Variants in PHACTR1 observed in about 807,000 individuals in gnomAD.
PHACTR1 encodes RPEL repeat containing 1.
PHACTR1 carries 16 observed loss-of-function variants against 69.2 expected under a neutral mutation model. That is an observed-to-expected ratio of 0.23 (90% CI 0.16 to 0.35). The LOEUF (loss-of-function observed/expected upper bound fraction) is 0.35, where lower values mean the gene tolerates loss of function less well. Among genes scored for constraint, PHACTR1 ranks in the 10% least tolerant of loss-of-function variants. The pLI, the probability that PHACTR1 is intolerant of heterozygous loss-of-function variation, is 1.00. For synonymous variants in PHACTR1, 312 were observed against 284.5 expected (o/e 1.10, Z -0.97); for missense variants, 510 against 734.7 (o/e 0.69, Z 3.54).
At chr6:13,095,660 A>T (rs2127842376) in intron 5 of PHACTR1, among the ~76,000 whole-genome samples, 1 of 149,450 alleles carries the variant, frequency 6.7e-6, no homozygotes, top group South Asian at 2.2e-4. Flanking sequence ...TGAATGGAGG[A>T]TGCAGGCAAA....
At chr6:12,840,899 T>A (rs1778623476) in intron 4 of PHACTR1, among the ~76,000 whole-genome samples, 6 of 152,204 alleles carry the variant, frequency 3.9e-5, no homozygotes, top group Admixed American at 3.3e-4. Flanking sequence ...GATAAGGACA[T>A]ACTGCTACAG....
At chr6:12,792,515 G>GA (rs1772451482) in intron 4 of PHACTR1, among the ~76,000 whole-genome samples, 1 of 114,822 alleles carries the variant, frequency 8.7e-6, no homozygotes, top group African/African-American at 3.0e-5. Flanking sequence ...ACATCATCCT[G>GA]AAAAAATAAA....
At chr6:13,285,341 T>C (rs953964982) in intron 13 of PHACTR1, among the ~76,000 whole-genome samples, 1 of 152,148 alleles carries the variant, frequency 6.6e-6, no homozygotes, top group Non-Finnish European at 1.5e-5. Flanking sequence ...AGGAAGACTT[T>C]TCTCTCCTCA....
chr6:13,283,371 C>A lies in PHACTR1; in HGVS notation c.1510-51C>A. 1.3e-6 allele frequency: 2 copies of A among 1,581,090 alleles called. No individual in the cohort carries two copies. The highest frequency in any genetic ancestry group is 1.7e-6 in the Non-Finnish European group (2 of 1,161,350). On this transcript the variant is annotated intron_variant, in intron 12 of 14. Transcript: ENST00000332995. The surrounding 1 kb of genome is among the most constrained non-coding windows in gnomAD (Gnocchi z 4.7). ...GCAAGTTCACAGACAGGACCAAGTG[C>A]CATGGTCAACCCTTCTGGCTGACTG...
chr6:13,142,835 G>GAA (rs36049014), intron 5 of PHACTR1, among the ~76,000 whole-genome samples: 14 of 147,286 alleles, frequency 9.5e-5, no homozygotes, highest in South Asian at 2.1e-4. Context: ...TGAGAAGTGT[G>GAA]AAAAAAAAAA....
At chr6:13,177,564 A>G (rs1761561395) in intron 6 of PHACTR1, among the ~76,000 whole-genome samples, 1 of 152,174 alleles carries the variant, frequency 6.6e-6, no homozygotes, top group Non-Finnish European at 1.5e-5. Context: ...CTCCATAGTG[A>G]CAGTCATCTA....
chr6:12,937,067 T>C (rs1258580885), intron 4 of PHACTR1, among the ~76,000 whole-genome samples: 1 of 152,214 alleles, frequency 6.6e-6, no homozygotes, highest in African/African-American at 2.4e-5. Flanking sequence ...AAATATCTTA[T>C]TCAGCCTATG....
chr6:13,076,841 G>A lies in PHACTR1; in HGVS notation c.415+23312G>A, dbSNP rs115851711. Among the ~76,000 whole-genome samples the A allele has an allele frequency of 3.4e-3, 508 of 151,560 alleles. 2 individuals are homozygous for A. Among genetic ancestry groups the A allele is most frequent in the African/African-American group, 0.012 (491 of 41,284 alleles). ...AAGGAATGATAGAAGGAACTTAAGT[G>A]CCAAAAGAGCAGATTAGTTGGAACG... On this transcript the variant is annotated intron_variant, in intron 5 of 14. Transcript: ENST00000332995.
intron 4 of PHACTR1, among the ~76,000 whole-genome samples, chr6:12,830,897 C>CA (rs1284904258): frequency 2.0e-5 from 3 of 152,054 alleles, no homozygotes; most frequent in African/African-American, 7.2e-5. Context: ...TACCTGGCCT[C>CA]AAAAAATTTT....
chr6:13,173,929 G>A (rs572859175), intron 6 of PHACTR1, among the ~76,000 whole-genome samples: 9 of 152,248 alleles, frequency 5.9e-5, no homozygotes, highest in African/African-American at 1.4e-4. Context: ...GGATGGTCTC[G>A]ATCTCTTGAC....
At chr6:12,863,834 G>T (rs1056883968) in intron 4 of PHACTR1, among the ~76,000 whole-genome samples, 91 of 152,036 alleles carry the variant, frequency 6.0e-4, no homozygotes, top group Middle Eastern at 3.4e-3. Context: ...GGTGATTTTT[G>T]TGTGTGTGTG....
intron 5 of PHACTR1, among the ~76,000 whole-genome samples, chr6:13,058,418 T>C (rs1050668054): frequency 1.3e-5 from 2 of 152,110 alleles, no homozygotes; most frequent in African/African-American, 4.8e-5. Flanking sequence ...CCTAGGGTCT[T>C]GGTTGTTGGT....
chr6:12,756,635 C>A (rs1767357473), intron 4 of PHACTR1, among the ~76,000 whole-genome samples: 1 of 152,184 alleles, frequency 6.6e-6, no homozygotes, highest in Non-Finnish European at 1.5e-5. Context: ...TTCTATTGAT[C>A]CTTGTTGCCA....
At chr6:13,277,482 G>C (rs202042) in intron 11 of PHACTR1, among the ~76,000 whole-genome samples, 113,271 of 152,062 alleles carry the variant, frequency 0.74, 43,518 homozygotes, top group Non-Finnish European at 0.84. Flanking sequence ...CAGGTTGAGG[G>C]CAGTCTTCTG....
At chr6:12,887,496 T>G (rs958931561) in intron 4 of PHACTR1, among the ~76,000 whole-genome samples, 1 of 152,192 alleles carries the variant, frequency 6.6e-6, no homozygotes, top group African/African-American at 2.4e-5. Flanking sequence ...TCACTGACCC[T>G]TATCATCTAG....
At chr6:13,196,852 G>A (rs1009486493) in intron 7 of PHACTR1, among the ~76,000 whole-genome samples, 5 of 152,120 alleles carry the variant, frequency 3.3e-5, no homozygotes, top group African/African-American at 7.2e-5. Flanking sequence ...GAAGTCTTTC[G>A]CAAGCCTCTC....
rs749846793 is a variant in PHACTR1, at chr6:13,228,071, C to T, written c.1234+8C>T. Reference sequence around the variant, plus strand: ...ACAGCTCATTATACACCAGTGCGTTCATCTTAACTCATCACCAGGGGTGGG... The same window carrying T: ...ACAGCTCATTATACACCAGTGCGTTTATCTTAACTCATCACCAGGGGTGGG... On this transcript the variant is annotated splice_region_variant and intron_variant, in intron 9 of 14. Transcript: ENST00000332995. 19 of 1,604,088 alleles carry T rather than the reference C, an allele frequency of 1.2e-5. No individual in the cohort carries two copies. In the African/African-American group the frequency reaches 1.2e-4, roughly 10 times the overall value.
At chr6:12,720,129 C>A (rs970057139) in intron 3 of PHACTR1, among the ~76,000 whole-genome samples, 3 of 151,972 alleles carry the variant, frequency 2.0e-5, no homozygotes, top group African/African-American at 7.3e-5. Context: ...TCTGGGTCTG[C>A]AAGTAAGAAA....
intron 4 of PHACTR1, among the ~76,000 whole-genome samples, chr6:12,866,988 G>T (rs191508758): frequency 6.6e-6 from 1 of 152,082 alleles, no homozygotes; most frequent in Non-Finnish European, 1.5e-5. Flanking sequence ...TGCCCATTGT[G>T]TTTGCTAAGT....
Sources: gnomAD v4.1 joint callset for allele counts (sites outside exome capture counted in the v4.1 genomes callset) on GRCh38, gnomAD v4.1.1 for gene constraint, Gnocchi (gnomAD v3.1) non-coding constraint, MANE v1.5 for transcripts, NCBI Gene and HGNC (gene_info 2026-07-23, HGNC 2026-07-21) for gene names.